The following NAV2 variants were observed in gnomAD, a reference collection of about 807,000 sequenced individuals.
NAV2 encodes neuron navigator 2.
In NAV2, 54 loss-of-function variants were observed where a neutral mutation model predicts 223.2. That is an observed-to-expected ratio of 0.24 (90% CI 0.19 to 0.30). The LOEUF (loss-of-function observed/expected upper bound fraction) is 0.30, where lower values mean the gene tolerates loss of function less well. NAV2 is among the 10% of genes least tolerant of loss of function. NAV2 has a pLI of 1.00. For missense variants in NAV2, 2,806 were observed against 3,147.5 expected (o/e 0.89, Z 2.60); for synonymous variants, 1,279 against 1,239.3 (o/e 1.03, Z -0.67).
In NAV2 at chr11:19,702,230, G is replaced by A. The variant is rs80319975; in HGVS notation, c.76-130254G>A. ...TCCCTGGAAGGAAGGGAGAATAGAC[G>A]GAATTTCTGGGGTAATGGTTTTTAG... On this transcript the variant is annotated intron_variant, in intron 1 of 37. Coordinates refer to the NAV2 transcript ENST00000360655. Among the ~76,000 whole-genome samples, 1,769 of 152,282 alleles carry A rather than the reference G, an allele frequency of 0.012. 98 individuals carry two copies. The East Asian group carries it at 0.17, about 15-fold the overall frequency.
At chr11:19,641,939 AT>A (rs1004996870) in intron 1 of NAV2, among the ~76,000 whole-genome samples, 4 of 152,308 alleles carry the variant, frequency 2.6e-5, no homozygotes, top group Non-Finnish European at 5.9e-5. Context: ...TCTACCTAAA[AT>A]TCAAGCTTCC....
chr11:19,886,791 C>G lies in NAV2; in HGVS notation c.771-5643C>G, dbSNP rs79618985. On this transcript the variant is annotated intron_variant, in intron 5 of 37. Transcript: ENST00000349880. ...GAAGCACTGGAAGATGAGGGCGTGT[C>G]AACCCTGTCCTGAGGCTGGGCTGGG... Among the ~76,000 whole-genome samples the G allele has an allele frequency of 6.6e-3, 1,007 of 152,266 alleles. 9 individuals carry two copies. Among genetic ancestry groups the G allele is most frequent in the African/African-American group, 0.023 (965 of 41,542 alleles).
At chr11:19,778,774 C>G (rs1428015927) in intron 1 of NAV2, among the ~76,000 whole-genome samples, 3 of 152,166 alleles carry the variant, frequency 2.0e-5, no homozygotes, top group Non-Finnish European at 4.4e-5. Flanking sequence ...ATGATTCCAG[C>G]TCCCTAATCC....
chr11:19,686,752 C>T (rs2049035295), intron 1 of NAV2, among the ~76,000 whole-genome samples: 1 of 152,194 alleles, frequency 6.6e-6, no homozygotes, highest in African/African-American at 2.4e-5. Flanking sequence ...TATATCCTGG[C>T]TCTGACCTTC....
intron 1 of NAV2, among the ~76,000 whole-genome samples, chr11:19,730,133 A>G (rs1023549198): frequency 3.3e-5 from 5 of 152,158 alleles, no homozygotes; most frequent in African/African-American, 1.2e-4. Context: ...CCACAGTTCT[A>G]TGGTGAATGT....
chr11:19,591,651 A>G (rs1173971710), intron 1 of NAV2, among the ~76,000 whole-genome samples: 1 of 152,212 alleles, frequency 6.6e-6, no homozygotes, highest in South Asian at 2.1e-4. Flanking sequence ...GATAGGGATC[A>G]GGACTTGAAA....
chr11:20,061,968 C>G (rs1030823461), intron 19 of NAV2, among the ~76,000 whole-genome samples: 3 of 152,156 alleles, frequency 2.0e-5, no homozygotes, highest in African/African-American at 7.2e-5. Context: ...CCGGGCAATG[C>G]AATTGTGAGT....
intron 1 of NAV2, among the ~76,000 whole-genome samples, chr11:19,647,479 C>G (rs1019337567): frequency 6.6e-6 from 1 of 152,108 alleles, no homozygotes; most frequent in Non-Finnish European, 1.5e-5. Flanking sequence ...CAACATCATC[C>G]CTCATCCTCA....
At chr11:19,690,206 C>A (rs2049130624) in intron 1 of NAV2, among the ~76,000 whole-genome samples, 2 of 152,162 alleles carry the variant, frequency 1.3e-5, no homozygotes, top group South Asian at 4.1e-4. Flanking sequence ...AGGTGATCCA[C>A]CCACCTCCGC....
At position 20,083,560 on chromosome 11, in the gene NAV2, C is replaced by T. The variant is rs538288322; in HGVS notation, c.5498+381C>T. 8.5e-5 allele frequency among the ~76,000 whole-genome samples: 13 copies of T among 152,268 alleles called. No individual in the cohort carries two copies. In the South Asian group the frequency reaches 2.7e-3, roughly 32 times the overall value. ...CCTGCAGCAGTAAGAAAGGCTGGCC[C>T]TGCTCAGTAGGGCTGAATTTCTTTT... On this transcript the variant is annotated intron_variant, in intron 26 of 37. Coordinates refer to ENST00000349880, the MANE Select transcript of NAV2 (RefSeq NM_145117.5).
intron 1 of NAV2, among the ~76,000 whole-genome samples, chr11:19,813,139 T>C (rs771092590): frequency 2.6e-5 from 4 of 152,190 alleles, no homozygotes; most frequent in Non-Finnish European, 5.9e-5. Context: ...TCTCCTGCAC[T>C]GGCCTTTTAG....
intron 2 of NAV2, among the ~76,000 whole-genome samples, chr11:19,841,077 T>A (rs2060487672): frequency 6.6e-6 from 1 of 152,254 alleles, no homozygotes; most frequent in South Asian, 2.1e-4. Flanking sequence ...CTACAATGCC[T>A]ATCCTAGTGT....
At chr11:19,987,783 C>T (rs182729329) in intron 11 of NAV2, among the ~76,000 whole-genome samples, 14 of 152,302 alleles carry the variant, frequency 9.2e-5, no homozygotes, top group South Asian at 4.1e-4. Context: ...CACTCCTGGG[C>T]TCCAGGTTTT....
chr11:19,628,541 T>C (rs2017056), intron 1 of NAV2, among the ~76,000 whole-genome samples: 130,788 of 152,216 alleles, frequency 0.86, 58,945 homozygotes, highest in Non-Finnish European at 0.98. Context: ...AATGTACTCA[T>C]GCATCCACGC....
In NAV2 at chr11:19,832,530, A is replaced by G. The variant is rs975006495; in HGVS notation, c.314A>G (p.Lys105Arg). The stretch of plus-strand genomic sequence containing the variant: ...CATTACCTAGCCAAATCCGGCCACA[A>G]GCGTCTCATCAGGGATCTCCAGCAA... The part of the protein sequence containing the change: ...ANHYLAKSGH[K>R]RLIRDLQQDV... The change falls in exon 2 of 38, where the codon AAG becomes AGG. Residue 105 changes from lysine to arginine, a missense_variant. Physicochemically the swap from Lys to Arg is conservative, Grantham distance 26. This residue lies in a region of NAV2 where 1,167 missense variants were observed against 1,180.5 expected (regional missense o/e 0.99). Transcript: ENST00000349880. 3 of 1,614,198 alleles carry G rather than the reference A, an allele frequency of 1.9e-6. No individual in the cohort carries two copies. Among genetic ancestry groups the G allele is most frequent in the Non-Finnish European group, 1.7e-6 (2 of 1,180,034 alleles).
intron 11 of NAV2, among the ~76,000 whole-genome samples, chr11:20,017,949 C>T (rs569037582): frequency 6.6e-6 from 1 of 152,246 alleles, no homozygotes; most frequent in East Asian, 1.9e-4. Context: ...GCTTTCCTTC[C>T]TCCCTCCCTC....
intron 1 of NAV2, among the ~76,000 whole-genome samples, chr11:19,639,183 A>G (rs1455106234): frequency 6.6e-6 from 1 of 152,166 alleles, no homozygotes; most frequent in Non-Finnish European, 1.5e-5. Flanking sequence ...CACTATGCCT[A>G]AAATGTTTGC....
At chr11:20,050,577 A>G (rs1368558298) in intron 16 of NAV2, among the ~76,000 whole-genome samples, 1 of 151,742 alleles carries the variant, frequency 6.6e-6, no homozygotes, top group Non-Finnish European at 1.5e-5. Context: ...TGCCAGAAAA[A>G]AAAAAAAAAA....
At chr11:19,513,824 G>A (rs1441813049) in intron 1 of NAV2, among the ~76,000 whole-genome samples, 2 of 152,168 alleles carry the variant, frequency 1.3e-5, no homozygotes, top group African/African-American at 4.8e-5. Context: ...CATGGGATGG[G>A]CAACTCTGTG....
Sources: gnomAD v4.1 joint callset for allele counts (sites outside exome capture counted in the v4.1 genomes callset) on GRCh38, gnomAD v4.1.1 for gene constraint, gnomAD v4.1.1 regional missense constraint, MANE v1.5 for transcripts, NCBI Gene and HGNC (gene_info 2026-07-23, HGNC 2026-07-21) for gene names.